ROCK1: variants seen among roughly 807,000 people sequenced by gnomAD.
ROCK1 encodes the protein rho-associated protein kinase 1.
Under a neutral mutation model 196.8 loss-of-function variants are expected in ROCK1, and 36 were observed. The ratio of observed to expected loss-of-function variants is 0.18; its 90% CI spans 0.14 to 0.24. The LOEUF is 0.24. Among genes scored for constraint, ROCK1 ranks in the 10% least tolerant of loss-of-function variants. ROCK1 has a pLI of 1.00. For missense variants in ROCK1, 920 were observed against 1,562.0 expected (o/e 0.59, Z 6.93); for synonymous variants, 443 against 515.9 (o/e 0.86, Z 1.91).
chr18:20,986,494 C>T (rs537819000), intron 19 of ROCK1, among the ~76,000 whole-genome samples: 20 of 152,278 alleles, frequency 1.3e-4, no homozygotes, highest in Admixed American at 4.6e-4. Context: ...ATAGTAACCA[C>T]CAGGACATAC....
intron 1 of ROCK1, among the ~76,000 whole-genome samples, chr18:21,084,800 A>T (rs2036512605): frequency 6.6e-6 from 1 of 152,250 alleles, no homozygotes; most frequent in Non-Finnish European, 1.5e-5. Flanking sequence ...AGATATTTGT[A>T]CACCAATGTT....
chr18:21,008,273 A>G, intron 13 of ROCK1, 79 bp from the exon 14 acceptor site: 2 of 1,110,738 alleles, frequency 1.8e-6, no homozygotes, highest in South Asian at 3.6e-5. Flanking sequence ...GTTCTTAAAA[A>G]CAAAAAACAA....
chr18:21,048,746 C>G (rs1431873959), intron 4 of ROCK1, among the ~76,000 whole-genome samples: 4 of 151,954 alleles, frequency 2.6e-5, no homozygotes, highest in African/African-American at 9.7e-5. Flanking sequence ...AGATAGGTGT[C>G]ACTATGTTGT....
chr18:21,011,025 T>A (rs2035812246), intron 13 of ROCK1, among the ~76,000 whole-genome samples: 2 of 152,208 alleles, frequency 1.3e-5, no homozygotes, highest in Non-Finnish European at 1.5e-5. Flanking sequence ...TGTTATGTTA[T>A]CTCTTCACAT....
intron 23 of ROCK1, 133 bp downstream of exon 23, chr18:20,970,215 T>C: frequency 1.7e-6 from 1 of 593,080 alleles, no homozygotes; most frequent in South Asian, 2.8e-5. Context: ...ATTTTATACA[T>C]GAGTACAGAA....
In ROCK1 at chr18:20,990,527, C is replaced by G. The variant is rs574887938; in HGVS notation, c.2143+649G>C. Among the ~76,000 whole-genome samples, 6 of 151,184 alleles carry G rather than the reference C, an allele frequency of 4.0e-5. No individual in the cohort carries two copies. In the East Asian group the frequency reaches 1.2e-3, roughly 30 times the overall value. On this transcript the variant is annotated intron_variant, in intron 18 of 32. Transcript: ENST00000399799. The stretch of plus-strand genomic sequence containing the variant: ...TGTCCAACATAGTGAAACGCTGTCT[C>G]TACTAAAAATACAAAAATTAGCCGG...
chr18:21,027,605 T>C (rs2035969969), intron 10 of ROCK1, among the ~76,000 whole-genome samples: 1 of 152,064 alleles, frequency 6.6e-6, no homozygotes, highest in South Asian at 2.1e-4. Context: ...ATGAGGTAAG[T>C]AGGCAAGCAG....
Position 20,980,682 on chromosome 18 carries a change from C to T in ROCK1, c.2560-678G>A, listed in dbSNP as rs562415073. On this transcript the variant is annotated intron_variant, in intron 21 of 32. Coordinates refer to ENST00000399799, the MANE Select transcript of ROCK1 (RefSeq NM_005406.3). ...CTGTAATCCCAGCACTTTGGGAGGCCAAGGCGGGCAGATCACAAGGTCAGG... is the reference window on the plus strand; with the variant it reads ...CTGTAATCCCAGCACTTTGGGAGGCTAAGGCGGGCAGATCACAAGGTCAGG... 2.6e-5 allele frequency among the ~76,000 whole-genome samples: 4 copies of T among 152,090 alleles called. No individual in the cohort carries two copies. In the East Asian group the frequency reaches 5.8e-4, roughly 22 times the overall value.
intron 29 of ROCK1, among the ~76,000 whole-genome samples, chr18:20,959,076 A>ATATATTATATATAATATATAATAT (rs2035288817): frequency 2.5e-5 from 1 of 39,492 alleles, no homozygotes; most frequent in African/African-American, 1.6e-4. Flanking sequence ...ATATTATATA[A>ATATATTATATATAATATATAATAT]TATATATATT....
At chr18:20,972,565 G>A (rs1169925046) in intron 22 of ROCK1, among the ~76,000 whole-genome samples, 1 of 152,212 alleles carries the variant, frequency 6.6e-6, no homozygotes, top group Non-Finnish European at 1.5e-5. Context: ...AAGGAACAAA[G>A]GAGGCTGAGA....
intron 2 of ROCK1, among the ~76,000 whole-genome samples, chr18:21,053,397 G>A (rs1012693802): frequency 1.3e-5 from 2 of 152,090 alleles, no homozygotes; most frequent in African/African-American, 4.8e-5. Flanking sequence ...TATGAGTCAG[G>A]AAGATCATAG....
chr18:21,029,016 T>C, intron 9 of ROCK1, 81 bp from the exon 10 acceptor site: 1 of 1,377,474 alleles, frequency 7.3e-7, no homozygotes, highest in East Asian at 2.4e-5. Flanking sequence ...CAACTACTGA[T>C]GGTTTCTCTC....
intron 1 of ROCK1, among the ~76,000 whole-genome samples, chr18:21,074,341 C>T (rs1248604755): frequency 6.6e-6 from 1 of 152,158 alleles, no homozygotes; most frequent in East Asian, 1.9e-4. Context: ...CTGCCCAGGA[C>T]ATTTATAGTC....
intron 2 of ROCK1, among the ~76,000 whole-genome samples, chr18:21,055,504 C>T (rs1279700020): frequency 6.6e-6 from 1 of 152,136 alleles, no homozygotes; most frequent in African/African-American, 2.4e-5. Context: ...TCAGCATGTA[C>T]AAGCATATAT....
At chr18:21,007,483 G>C (rs1180971580) in intron 14 of ROCK1, among the ~76,000 whole-genome samples, 1 of 151,918 alleles carries the variant, frequency 6.6e-6, no homozygotes, top group African/African-American at 2.4e-5. Flanking sequence ...ATACAGCATT[G>C]ACTGCATTTT....
chr18:21,111,372 C>T lies in ROCK1; in HGVS notation c.-462G>A. 1 of 417,608 alleles carries T rather than the reference C, an allele frequency of 2.4e-6. No homozygotes were observed. Among genetic ancestry groups the T allele is most frequent in the Non-Finnish European group, 4.2e-6 (1 of 237,234 alleles). 25.9% of individuals were successfully genotyped at this position (417,608 alleles called of 1,614,324 possible). Reference sequence around the variant, plus strand: ...AAGGGCGGGTGAGGAGCTGTGCCAGCTGCGGCCGCCGCTCGGGCCACGGGC... The same window carrying T: ...AAGGGCGGGTGAGGAGCTGTGCCAGTTGCGGCCGCCGCTCGGGCCACGGGC... On this transcript the variant is annotated 5_prime_UTR_variant, in exon 1 of 33. Coordinates refer to ENST00000399799, the MANE Select transcript of ROCK1 (RefSeq NM_005406.3). This position sits in a 1 kb window ranked among gnomAD's most constrained non-coding sequence, Gnocchi z 4.2.
intron 9 of ROCK1, among the ~76,000 whole-genome samples, chr18:21,030,361 C>T (rs1195997725): frequency 6.6e-6 from 1 of 152,090 alleles, no homozygotes; most frequent in African/African-American, 2.4e-5. Flanking sequence ...TTACTAGCAC[C>T]TAATGAGTAC....
At chr18:20,979,635 T>TA (rs1014757052) in intron 22 of ROCK1, among the ~76,000 whole-genome samples, 2 of 151,770 alleles carry the variant, frequency 1.3e-5, no homozygotes, top group Non-Finnish European at 2.9e-5. Context: ...AAAAAAAAAT[T>TA]AAAAAAATAA....
At chr18:21,030,749 T>G (rs904490862) in intron 9 of ROCK1, among the ~76,000 whole-genome samples, 22 of 152,296 alleles carry the variant, frequency 1.4e-4, no homozygotes, top group African/African-American at 5.3e-4. Flanking sequence ...AGTATATATT[T>G]GTTTAAAAAT....
Sources: allele counts gnomAD v4.1 joint callset (sites outside exome capture counted in the v4.1 genomes callset), GRCh38; gene constraint gnomAD v4.1.1; non-coding constraint Gnocchi (gnomAD v3.1); transcripts MANE v1.5; gene names NCBI Gene and HGNC (gene_info 2026-07-23, HGNC 2026-07-21).